KRT23: variants seen among roughly 807,000 people sequenced by gnomAD.
The protein encoded by KRT23 is keratin, type I cytoskeletal 23.
Under a neutral mutation model 47.6 loss-of-function variants are expected in KRT23, and 38 were observed. The observed-to-expected ratio is 0.80, with a 90% CI of 0.62 to 1.05. The LOEUF (loss-of-function observed/expected upper bound fraction) is 1.05, where lower values mean the gene tolerates loss of function less well. Among genes scored for constraint, KRT23 ranks in the 50% least tolerant of loss-of-function variants. The pLI, the probability that KRT23 is intolerant of heterozygous loss-of-function variation, is 0.00. For synonymous variants in KRT23, 191 were observed against 199.0 expected (o/e 0.96, Z 0.34); for missense variants, 503 against 529.5 (o/e 0.95, Z 0.49).
intron 6 of KRT23, among the ~76,000 whole-genome samples, chr17:40,927,040 T>C (rs1490575623): frequency 6.6e-6 from 1 of 152,130 alleles, no homozygotes; most frequent in Non-Finnish European, 1.5e-5. Flanking sequence ...ACACATCCCA[T>C]CACCACATCA....
At chr17:40,925,211 G>T in intron 7 of KRT23, 143 bp downstream of exon 7, 1 of 660,306 alleles carries the variant, frequency 1.5e-6, no homozygotes, top group Non-Finnish European at 2.7e-6. Flanking sequence ...AATACAGCCA[G>T]CTATAGGTAT....
intron 8 of KRT23, among the ~76,000 whole-genome samples, chr17:40,924,216 C>T (rs185052056): frequency 2.8e-4 from 43 of 152,156 alleles, no homozygotes; most frequent in African/African-American, 1.0e-3. Context: ...TAAACTGACT[C>T]CATTACTTAA....
Position 40,936,822 on chromosome 17 carries a change from A to T in KRT23, c.-219T>A. ...GCCTTCGCACACTGTTGTTGTTTAG[A>T]GCCACATCAATATGACAGTTTGCTT... On this transcript the variant is annotated 5_prime_UTR_variant, in exon 2 of 9. Coordinates refer to ENST00000209718, the MANE Select transcript of KRT23 (RefSeq NM_015515.5). 2.4e-6 allele frequency: 1 copy of T among 417,564 alleles called. No homozygotes were observed. The highest frequency in any genetic ancestry group is 6.1e-4 in the Middle Eastern group (1 of 1,628). 25.9% of individuals were successfully genotyped at this position (417,564 alleles called of 1,614,324 possible).
At chr17:40,934,982 C>T (rs999060139) in intron 2 of KRT23, among the ~76,000 whole-genome samples, 1 of 152,030 alleles carries the variant, frequency 6.6e-6, no homozygotes, top group African/African-American at 2.4e-5. Context: ...CTGGTTCTAA[C>T]CTTGTATTTC....
intron 4 of KRT23, 84 bp downstream of exon 4, chr17:40,929,856 G>T: frequency 2.5e-6 from 3 of 1,224,348 alleles, no homozygotes; most frequent in South Asian, 1.6e-5. Flanking sequence ...TCCAGGTGGT[G>T]GTTTCTTCTG....
rs1160938113 is a variant in KRT23, at chr17:40,936,779, A to G, written c.-176T>C. On this transcript the variant is annotated 5_prime_UTR_variant, in exon 2 of 9. Coordinates refer to ENST00000209718, the MANE Select transcript of KRT23 (RefSeq NM_015515.5). ...TGCAACTTGTGTTTCCTCTTGGTCA[A>G]TCCCAAAGTGCCCCTGGGCCTTCGC... 2.4e-5 allele frequency: 13 copies of G among 537,050 alleles called. No homozygotes were observed. Among genetic ancestry groups the G allele is most frequent in the Non-Finnish European group, 2.7e-5 (9 of 332,592 alleles). The allele number at this position is 537,050 out of a possible 1,614,324, so 33.3% of individuals were successfully genotyped here. A position where few individuals can be genotyped will look rare whatever the true frequency, so the allele number is the denominator to read the frequency against.
At position 40,929,899 on chromosome 17, in the gene KRT23, A is replaced by G. The variant is rs559249035; in HGVS notation, c.636+41T>C. ...CGAATCAGCCTGAGATGTGCAGGCTAAGAGCTGTGCTTATTAGCAGGTGTT... is the reference window on the plus strand; with the variant it reads ...CGAATCAGCCTGAGATGTGCAGGCTGAGAGCTGTGCTTATTAGCAGGTGTT... On this transcript the variant is annotated intron_variant, in intron 4 of 8. Coordinates refer to ENST00000209718, the MANE Select transcript of KRT23 (RefSeq NM_015515.5). The G allele has an allele frequency of 2.5e-6, 4 of 1,599,188 alleles. No homozygotes were observed. The South Asian group carries it at 4.4e-5, about 18-fold the overall frequency.
chr17:40,925,464 G>C lies in KRT23; in HGVS notation c.1032C>G (p.Arg344=). Reference sequence around the variant, plus strand: ...CATTGTTCTGCCGCTCCAGTTCATGGCGTAGCTGCGTCAGTTCCTCCTCAT... The same window carrying C: ...CATTGTTCTGCCGCTCCAGTTCATGCCGTAGCTGCGTCAGTTCCTCCTCAT... ...SHYEEELTQL[R]HELERQNNEY... Residue 344 remains arginine (R), a synonymous_variant, in exon 7 of 9, where the codon CGC becomes CGG. Transcript: ENST00000209718. The C allele has an allele frequency of 6.2e-7, 1 of 1,614,152 alleles. No individual in the cohort carries two copies. The highest frequency in any genetic ancestry group is 8.5e-7 in the Non-Finnish European group (1 of 1,180,020).
At chr17:40,924,619 T>G in intron 7 of KRT23, 116 bp from the exon 8 acceptor site, 1 of 836,134 alleles carries the variant, frequency 1.2e-6, no homozygotes, top group Non-Finnish European at 2.0e-6. Flanking sequence ...TTAATGAGGA[T>G]AATTGTCTGA....
chr17:40,931,376 A>T lies in KRT23; in HGVS notation c.476T>A (p.Leu159His). 1.2e-6 allele frequency: 2 copies of T among 1,607,072 alleles called. No individual in the cohort carries two copies. Among genetic ancestry groups the T allele is most frequent in the Non-Finnish European group, 1.7e-6 (2 of 1,173,530 alleles). Residue 159 changes from leucine (L) to histidine (H), a missense_variant, in exon 3 of 9, where the codon CTC (leucine) becomes CAC (histidine). Coordinates refer to ENST00000209718, the MANE Select transcript of KRT23 (RefSeq NM_015515.5). ...ACCCTGTGAAGAAGGAACTTACTTG[A>T]GGTTGAAGTCATCCACTGCCATCCT... is the stretch of plus-strand genomic sequence containing the variant. ...NARMAVDDFN[L>H]KYENEHSFKK...
At chr17:40,932,147 G>A (rs988596138) in intron 2 of KRT23, among the ~76,000 whole-genome samples, 1 of 152,070 alleles carries the variant, frequency 6.6e-6, no homozygotes, top group African/African-American at 2.4e-5. Flanking sequence ...ATTCTGTGAT[G>A]AGAATGTGCT....
At position 40,928,263 on chromosome 17, in the gene KRT23, A is replaced by G. The variant is rs1909357876; in HGVS notation, c.896T>C (p.Ile299Thr). The change falls in exon 6 of 9, where the codon ATT becomes ACT. Residue 299 changes from isoleucine (I) to threonine (T), a missense_variant. Physicochemically the swap from Ile to Thr is moderately conservative, Grantham distance 89. Transcript: ENST00000209718. ...ELKRTFQALE[I>T]DLQTQYSTKS... ...CGTGCTGTACTGTGTCTGCAGGTCA[A>G]TCTCCAGGGCCTGGAATGTGCGCTT... 3 of 1,614,000 alleles carry G rather than the reference A, an allele frequency of 1.9e-6. No homozygotes were observed. The highest frequency in any genetic ancestry group is 1.3e-5 in the African/African-American group (1 of 74,894).
chr17:40,936,435 C>T lies in KRT23; in HGVS notation c.169G>A (p.Gly57Arg), dbSNP rs200948461. Reference sequence around the variant, plus strand: ...CTGCTTCTTCCAGAACCCCAAGACCCTCCAGGGGGTGGGCAGCTCCGCGTG... The same window carrying T: ...CTGCTTCTTCCAGAACCCCAAGACCTTCCAGGGGGTGGGCAGCTCCGCGTG... ...FTTRSCPPPG[G>R]SWGSGRSSPL... The change falls in exon 2 of 9, where the codon GGG (glycine) becomes AGG (arginine). Residue 57 changes from glycine (G) to arginine (R), a missense_variant. By Grantham distance (125) the Gly-to-Arg change is moderately radical. Coordinates refer to ENST00000209718, the MANE Select transcript of KRT23 (RefSeq NM_015515.5). 41 of 1,611,518 alleles carry T rather than the reference C, an allele frequency of 2.5e-5. No homozygotes were observed. In the Admixed American group the frequency reaches 3.2e-4, roughly 12 times the overall value.
rs1199775334 is a variant in KRT23 at position 40,924,506 on chromosome 17, A to G, written c.1143-3T>C. Reference sequence around the variant, plus strand: ...TCGACTTTGATTCTTCCCGTGTCCTATAAAAGTGATAAAGGTTAAAGCTCA... The same window carrying G: ...TCGACTTTGATTCTTCCCGTGTCCTGTAAAAGTGATAAAGGTTAAAGCTCA... On this transcript the variant is annotated splice_region_variant and splice_polypyrimidine_tract_variant and intron_variant, in intron 7 of 8. Coordinates refer to ENST00000209718, the MANE Select transcript of KRT23 (RefSeq NM_015515.5). 6 of 1,612,394 alleles carry G rather than the reference A, an allele frequency of 3.7e-6. No homozygotes were observed. Among genetic ancestry groups the G allele is most frequent in the African/African-American group, 1.3e-5 (1 of 74,908 alleles).
At chr17:40,924,325 G>T in intron 8 of KRT23, 147 bp downstream of exon 8, 1 of 618,316 alleles carries the variant, frequency 1.6e-6, no homozygotes, top group Non-Finnish European at 2.9e-6. Context: ...TTTTGTATTA[G>T]CTAATTTGTT....
At chr17:40,934,874 G>A (rs1215925499) in intron 2 of KRT23, among the ~76,000 whole-genome samples, 1 of 152,194 alleles carries the variant, frequency 6.6e-6, no homozygotes, top group Non-Finnish European at 1.5e-5. Flanking sequence ...ATATCCAGCA[G>A]GATGCCTAGG....
At position 40,930,052 on chromosome 17, in the gene KRT23, A is replaced by T; in HGVS notation, c.524T>A (p.Val175Asp). The stretch of plus-strand genomic sequence containing the variant: ...GTCTAAGGTCCTTCGGAGGCCCTCG[A>T]CTTCAATTTCCAAGTCTTTCTTAAA... ...HSFKKDLEIEVEGLRRTLDNL... is the reference protein window; with the variant it reads ...HSFKKDLEIEDEGLRRTLDNL... The change falls in exon 4 of 9, where the codon GTC becomes GAC. Residue 175 changes from valine (V) to aspartate (D), a missense_variant. Val to Asp is a radical substitution (Grantham distance 152). Transcript: ENST00000209718. The T allele has an allele frequency of 6.2e-7, 1 of 1,614,098 alleles. No homozygotes were observed. Among genetic ancestry groups the T allele is most frequent in the Non-Finnish European group, 8.5e-7 (1 of 1,179,974 alleles).
chr17:40,929,027 C>CAAAAAAAAAAA (rs3067615), intron 4 of KRT23, among the ~76,000 whole-genome samples: 3 of 64,286 alleles, frequency 4.7e-5, no homozygotes, highest in Non-Finnish European at 8.5e-5. Context: ...ACCCTGTCTC[C>CAAAAAAAAAAA]AAAAAAAAAA....
At chr17:40,929,027 C>CAAAAAAAAAAAA in intron 4 of KRT23, among the ~76,000 whole-genome samples, 1 of 64,286 alleles carries the variant, frequency 1.6e-5, no homozygotes, top group Non-Finnish European at 2.8e-5. Context: ...ACCCTGTCTC[C>CAAAAAAAAAAAA]AAAAAAAAAA....
Sources: allele counts gnomAD v4.1 joint callset (sites outside exome capture counted in the v4.1 genomes callset), GRCh38; gene constraint gnomAD v4.1.1; transcripts MANE v1.5; gene names NCBI Gene and HGNC (gene_info 2026-07-23, HGNC 2026-07-21).